CFAP95: variants seen among roughly 807,000 people sequenced by gnomAD.
CFAP95 encodes cilia and flagella associated protein 95, also known as cilia- and flagella-associated protein 95.
the CFAP95 span, among the ~76,000 whole-genome samples, chr9:69,841,183 TATA>T: frequency 1.5e-5 from 2 of 131,066 alleles, no homozygotes; most frequent in Admixed American, 1.6e-4. Context: ...TATATATATA[TATA>T]TATATATATA....
At chr9:69,877,226 C>T in the CFAP95 span, among the ~76,000 whole-genome samples, 3 of 152,190 alleles carry the variant, frequency 2.0e-5, no homozygotes, top group South Asian at 4.1e-4. Context: ...TTCCATCATA[C>T]ACCAAATTCC....
chr9:69,904,360 G>A, the CFAP95 span, among the ~76,000 whole-genome samples: 1 of 152,200 alleles, frequency 6.6e-6, no homozygotes, highest in Admixed American at 6.5e-5. Flanking sequence ...TCTGTAGCAT[G>A]TATCGGTATT....
At chr9:69,895,369 C>CTCTCTG in the CFAP95 span, among the ~76,000 whole-genome samples, 107 of 107,914 alleles carry the variant, frequency 9.9e-4, no homozygotes, top group East Asian at 0.012. Flanking sequence ...CTCTCTCTCT[C>CTCTCTG]TGTGTGTGTG....
chr9:69,877,188 C>T, the CFAP95 span, among the ~76,000 whole-genome samples: 2 of 152,192 alleles, frequency 1.3e-5, no homozygotes, highest in East Asian at 1.9e-4. Context: ...ACGTGACTCA[C>T]TCTTTCCTCA....
At chr9:69,875,551 C>T in the CFAP95 span, among the ~76,000 whole-genome samples, 42 of 152,152 alleles carry the variant, frequency 2.8e-4, no homozygotes, top group African/African-American at 9.4e-4. Flanking sequence ...CTGCTTTACA[C>T]GAGTGGAGAG....
chr9:69,887,555 A>G, the CFAP95 span, among the ~76,000 whole-genome samples: 1 of 152,260 alleles, frequency 6.6e-6, no homozygotes, highest in African/African-American at 2.4e-5. Context: ...TTAATAAATT[A>G]TAAAAGAAAA....
At chr9:69,844,814 C>T in the CFAP95 span, among the ~76,000 whole-genome samples, 3 of 152,100 alleles carry the variant, frequency 2.0e-5, no homozygotes, top group Non-Finnish European at 2.9e-5. Flanking sequence ...AGTGATTGGG[C>T]GAATTACATG....
At chr9:69,849,584 G>A in the CFAP95 span, among the ~76,000 whole-genome samples, 2 of 152,148 alleles carry the variant, frequency 1.3e-5, no homozygotes, top group Non-Finnish European at 2.9e-5. Flanking sequence ...TGCTATGACA[G>A]GAAGAACATC....
the CFAP95 span, among the ~76,000 whole-genome samples, chr9:69,891,033 C>T: frequency 6.6e-6 from 1 of 152,126 alleles, no homozygotes; most frequent in African/African-American, 2.4e-5. Context: ...CTTGAAAGTA[C>T]CTCCATCATT....
At chr9:69,849,182 C>T in the CFAP95 span, among the ~76,000 whole-genome samples, 109 of 152,254 alleles carry the variant, frequency 7.2e-4, no homozygotes, top group African/African-American at 2.5e-3. Flanking sequence ...TGTTAGAATA[C>T]GAGCTCTATG....
chr9:69,820,822 T>C, the CFAP95 span: 1 of 1,546,478 alleles, frequency 6.5e-7, no homozygotes, highest in Non-Finnish European at 8.8e-7. Flanking sequence ...CTTACGTTCC[T>C]GCCGGGCAGG....
At chr9:69,861,809 C>A in the CFAP95 span, among the ~76,000 whole-genome samples, 4 of 146,944 alleles carry the variant, frequency 2.7e-5, no homozygotes, top group Non-Finnish European at 6.0e-5. Context: ...TTTGAAGAAG[C>A]AAGATTCGAT....
the CFAP95 span, among the ~76,000 whole-genome samples, chr9:69,895,747 T>C: frequency 6.6e-6 from 1 of 152,180 alleles, no homozygotes; most frequent in African/African-American, 2.4e-5. Flanking sequence ...AGTAGAGAGA[T>C]ACCCTATTTC....
the CFAP95 span, among the ~76,000 whole-genome samples, chr9:69,836,277 C>G: frequency 6.6e-6 from 1 of 152,056 alleles, no homozygotes; most frequent in African/African-American, 2.4e-5. Flanking sequence ...TGGGGTGCAA[C>G]TGTTCTCTAG....
At chr9:69,870,172 A>T in the CFAP95 span, among the ~76,000 whole-genome samples, 4 of 151,806 alleles carry the variant, frequency 2.6e-5, no homozygotes, top group East Asian at 7.7e-4. Flanking sequence ...TTTGTCCCAC[A>T]TATCTGAGTT....
the CFAP95 span, among the ~76,000 whole-genome samples, chr9:69,831,389 A>G: frequency 6.6e-6 from 1 of 152,180 alleles, no homozygotes; most frequent in Non-Finnish European, 1.5e-5. Context: ...TTTTAAAAAA[A>G]GCACTAAGCT....
chr9:69,880,276 C>T, the CFAP95 span, among the ~76,000 whole-genome samples: 1 of 152,106 alleles, frequency 6.6e-6, no homozygotes, highest in East Asian at 1.9e-4. Context: ...ACCATCCCAC[C>T]TCCCCACTAT....
chr9:69,886,997 T>G, the CFAP95 span: 3 of 792,680 alleles, frequency 3.8e-6, no homozygotes, highest in Admixed American at 4.9e-5. Context: ...TTGCTAAAGC[T>G]TATGATATTT....
chr9:69,869,659 T>C, the CFAP95 span, among the ~76,000 whole-genome samples: 1 of 152,156 alleles, frequency 6.6e-6, no homozygotes, highest in South Asian at 2.1e-4. Flanking sequence ...AGCTTGACTG[T>C]AGTAAAATCA....
Sources: gnomAD v4.1 joint callset for allele counts (sites outside exome capture counted in the v4.1 genomes callset) on GRCh38, gnomAD v4.1.1 for gene constraint, MANE v1.5 for transcripts, NCBI Gene and HGNC (gene_info 2026-07-23, HGNC 2026-07-21) for gene names.